The following MMP16 variants were observed in gnomAD, a reference collection of about 807,000 sequenced individuals.
The protein encoded by MMP16 is matrix metallopeptidase 16.
In MMP16, 12 loss-of-function variants were observed where a neutral mutation model predicts 67.8. The ratio of observed to expected loss-of-function variants is 0.18; its 90% CI spans 0.11 to 0.29. The LOEUF is 0.29. Ranked by LOEUF, MMP16 falls within the 10% of genes least tolerant of loss-of-function variation. MMP16 has a pLI of 1.00. For synonymous variants in MMP16, 249 were observed against 255.9 expected (o/e 0.97, Z 0.26); for missense variants, 475 against 765.7 (o/e 0.62, Z 4.48).
chr8:88,282,092 G>T lies in MMP16; in HGVS notation c.132+44983C>A, dbSNP rs201378472. ...TTTTTTTTTCTTTTTTGGGGGGGGGGGGGCGACGGGGTCTTGCTGTCATCT... is the reference window on the plus strand; with the variant it reads ...TTTTTTTTTCTTTTTTGGGGGGGGGTGGGCGACGGGGTCTTGCTGTCATCT... On this transcript the variant is annotated intron_variant, in intron 1 of 9. Coordinates refer to ENST00000286614, the MANE Select transcript of MMP16 (RefSeq NM_005941.5). Among the ~76,000 whole-genome samples, 358 of 119,994 alleles carry T rather than the reference G, an allele frequency of 3.0e-3. 9 individuals are homozygous for T. In the Middle Eastern group the frequency reaches 0.034, roughly 12 times the overall value. 78.7% of individuals were successfully genotyped at this position (119,994 alleles called of 152,430 possible).
intron 1 of MMP16, among the ~76,000 whole-genome samples, chr8:88,227,039 A>G (rs1022111024): frequency 6.6e-6 from 1 of 152,010 alleles, no homozygotes; most frequent in African/African-American, 2.4e-5. Context: ...AGTGATCTAG[A>G]GAGTGAGCAA....
chr8:88,149,217 C>G (rs1808351819), intron 4 of MMP16, among the ~76,000 whole-genome samples: 1 of 152,200 alleles, frequency 6.6e-6, no homozygotes, highest in East Asian at 1.9e-4. Context: ...CCTACACCCA[C>G]GGAATCTCGC....
intron 4 of MMP16, among the ~76,000 whole-genome samples, chr8:88,156,842 A>G (rs936083077): frequency 2.0e-5 from 3 of 152,084 alleles, no homozygotes; most frequent in African/African-American, 7.2e-5. Context: ...GAAAATTTCT[A>G]CAGAGACTAT....
intron 4 of MMP16, among the ~76,000 whole-genome samples, chr8:88,165,647 A>T (rs1181990801): frequency 2.0e-5 from 3 of 152,144 alleles, no homozygotes; most frequent in Non-Finnish European, 1.5e-5. Flanking sequence ...TTTATTTTAA[A>T]TGATTTATGT....
chr8:88,145,263 G>A (rs1327613769), intron 4 of MMP16, among the ~76,000 whole-genome samples: 2 of 151,936 alleles, frequency 1.3e-5, no homozygotes, highest in Non-Finnish European at 2.9e-5. Context: ...GAACAGCCAT[G>A]TTCCTGTGCT....
At chr8:88,044,337 A>G (rs1319791827) in intron 9 of MMP16, among the ~76,000 whole-genome samples, 1 of 152,226 alleles carries the variant, frequency 6.6e-6, no homozygotes, top group Non-Finnish European at 1.5e-5. Flanking sequence ...TCTAGTTACT[A>G]GGAGATAGAC....
In MMP16 at chr8:88,322,871, C is replaced by A. The variant is rs139852241; in HGVS notation, c.132+4204G>T. Among the ~76,000 whole-genome samples the A allele has an allele frequency of 2.9e-3, 435 of 152,054 alleles. 1 individual carries two copies. Among genetic ancestry groups the A allele is most frequent in the Middle Eastern group, 0.014 (4 of 294 alleles). On this transcript the variant is annotated intron_variant, in intron 1 of 9. Coordinates refer to ENST00000286614, the MANE Select transcript of MMP16 (RefSeq NM_005941.5). ...GCCCAGGCAACTCTGAACAGAGAGG[C>A]ATAGTCAAGGTAGAACATGTAGGAG...
chr8:88,251,458 G>A (rs201110670), intron 1 of MMP16, among the ~76,000 whole-genome samples: 11,046 of 138,730 alleles, frequency 0.08, 933 homozygotes, highest in African/African-American at 0.23. Flanking sequence ...AGCTAAAACT[G>A]GATCCCTTCC....
At chr8:88,045,632 G>A (rs1808190062) in intron 9 of MMP16, among the ~76,000 whole-genome samples, 1 of 152,152 alleles carries the variant, frequency 6.6e-6, no homozygotes, top group Middle Eastern at 3.4e-3. Context: ...TCCCAGGTGT[G>A]AGCCCCCACG....
In MMP16 at chr8:88,033,914, C is replaced by G. The variant is rs964658651; in HGVS notation, c.*7547G>C. On this transcript the variant is annotated 3_prime_UTR_variant, in exon 10 of 10. Coordinates refer to ENST00000286614, the MANE Select transcript of MMP16 (RefSeq NM_005941.5). ...AGGCATTTATGTACCCATGATGTAC[C>G]TTAAACAGAACACTATACTGTGACT... 1.3e-5 allele frequency: 2 copies of G among 151,946 alleles called. No individual in the cohort carries two copies. The highest frequency in any genetic ancestry group is 2.9e-5 in the Non-Finnish European group (2 of 67,938). The allele number at this position is 151,946 out of a possible 1,614,324, so 9.4% of individuals were successfully genotyped here.
At chr8:88,140,523 C>A (rs1176995291) in intron 4 of MMP16, among the ~76,000 whole-genome samples, 1 of 152,082 alleles carries the variant, frequency 6.6e-6, no homozygotes, top group African/African-American at 2.4e-5. Flanking sequence ...AGAAGCACCA[C>A]AACAGCCACA....
At chr8:88,086,816 T>C (rs1175634613) in intron 6 of MMP16, among the ~76,000 whole-genome samples, 1 of 151,922 alleles carries the variant, frequency 6.6e-6, no homozygotes, top group Non-Finnish European at 1.5e-5. Flanking sequence ...TTCTTCACAA[T>C]ATCCATTGTT....
intron 1 of MMP16, among the ~76,000 whole-genome samples, chr8:88,297,196 C>T (rs754747830): frequency 3.3e-4 from 50 of 151,914 alleles, no homozygotes; most frequent in Non-Finnish European, 6.3e-4. Flanking sequence ...AAAGAGTAAC[C>T]CCCAAGAATA....
chr8:88,274,555 A>G (rs1326464215), intron 1 of MMP16, among the ~76,000 whole-genome samples: 1 of 152,118 alleles, frequency 6.6e-6, no homozygotes, highest in African/African-American at 2.4e-5. Flanking sequence ...AAAGAAATGC[A>G]TTGAATAAAT....
intron 1 of MMP16, among the ~76,000 whole-genome samples, chr8:88,266,913 C>A (rs1224024440): frequency 6.6e-6 from 1 of 152,170 alleles, no homozygotes; most frequent in Non-Finnish European, 1.5e-5. Context: ...CATTTCCTCA[C>A]AAAAACTGGT....
intron 4 of MMP16, among the ~76,000 whole-genome samples, chr8:88,155,757 C>T (rs1222454845): frequency 6.6e-6 from 1 of 152,072 alleles, no homozygotes; most frequent in Non-Finnish European, 1.5e-5. Context: ...GCTTTTGTTT[C>T]CTGTTCCATA....
At chr8:88,267,824 T>G (rs1017940915) in intron 1 of MMP16, among the ~76,000 whole-genome samples, 4 of 152,192 alleles carry the variant, frequency 2.6e-5, no homozygotes, top group African/African-American at 7.2e-5. Context: ...ATTAGGGCAA[T>G]ATACTTTGAT....
chr8:88,054,378 C>T (rs1808306544), intron 8 of MMP16, among the ~76,000 whole-genome samples: 1 of 152,098 alleles, frequency 6.6e-6, no homozygotes, highest in Admixed American at 6.6e-5. Flanking sequence ...AATTTAACAA[C>T]CTTAAGAGTT....
intron 4 of MMP16, among the ~76,000 whole-genome samples, chr8:88,152,069 G>GT (rs1161636694): frequency 5.7e-4 from 21 of 36,818 alleles, no homozygotes; most frequent in Non-Finnish European, 9.9e-5. Flanking sequence ...ACTACCATCA[G>GT]AGAATACTAC....
Sources: gnomAD v4.1 joint callset for allele counts (sites outside exome capture counted in the v4.1 genomes callset) on GRCh38, gnomAD v4.1.1 for gene constraint, MANE v1.5 for transcripts, NCBI Gene and HGNC (gene_info 2026-07-23, HGNC 2026-07-21) for gene names.